Variants in AFG2A observed in about 807,000 individuals in gnomAD.
The protein encoded by AFG2A is ATPase family gene 2 protein homolog A.
At chr4:123,132,620 A>C in the AFG2A span, among the ~76,000 whole-genome samples, 1 of 132,572 alleles carries the variant, frequency 7.5e-6, no homozygotes, top group Non-Finnish European at 1.7e-5. Context: ...ATATATGTGC[A>C]TATATATTTG....
the AFG2A span, among the ~76,000 whole-genome samples, chr4:122,936,403 G>A: frequency 6.6e-6 from 1 of 152,196 alleles, no homozygotes; most frequent in Non-Finnish European, 1.5e-5. Flanking sequence ...CCTTGTTTGA[G>A]CATAGAAATC....
chr4:123,176,378 C>T, the AFG2A span, among the ~76,000 whole-genome samples: 1 of 152,148 alleles, frequency 6.6e-6, no homozygotes, highest in Non-Finnish European at 1.5e-5. Context: ...AATACAATAC[C>T]AGAGCAGCTC....
the AFG2A span, among the ~76,000 whole-genome samples, chr4:123,265,227 G>A: frequency 6.6e-6 from 1 of 151,934 alleles, no homozygotes; most frequent in Admixed American, 6.6e-5. Flanking sequence ...ACTTCCTTAA[G>A]AACAGCTAAT....
the AFG2A span, among the ~76,000 whole-genome samples, chr4:123,274,097 A>G: frequency 6.6e-5 from 10 of 152,102 alleles, no homozygotes; most frequent in African/African-American, 2.4e-4. Flanking sequence ...GAATTAGTCT[A>G]TATAGTGTAT....
the AFG2A span, among the ~76,000 whole-genome samples, chr4:123,049,701 A>AT: frequency 6.6e-6 from 1 of 151,348 alleles, no homozygotes; most frequent in Non-Finnish European, 1.5e-5. Flanking sequence ...CTCTGATTTT[A>AT]TTTATTTAGG....
the AFG2A span, among the ~76,000 whole-genome samples, chr4:123,185,754 T>C: frequency 1.3e-5 from 2 of 152,286 alleles, no homozygotes; most frequent in Admixed American, 1.3e-4. Flanking sequence ...TGTTCCATTG[T>C]TATCAAAATG....
the AFG2A span, among the ~76,000 whole-genome samples, chr4:123,032,648 T>C: frequency 6.6e-6 from 1 of 152,214 alleles, no homozygotes; most frequent in African/African-American, 2.4e-5. Context: ...ACTCCCGACC[T>C]TGTGATCCAC....
chr4:123,218,535 A>T, the AFG2A span, among the ~76,000 whole-genome samples: 2 of 152,180 alleles, frequency 1.3e-5, no homozygotes, highest in African/African-American at 2.4e-5. Context: ...TGATAAGTCC[A>T]ATCCCAGACT....
the AFG2A span, among the ~76,000 whole-genome samples, chr4:123,046,896 C>T: frequency 6.6e-6 from 1 of 152,130 alleles, no homozygotes; most frequent in Non-Finnish European, 1.5e-5. Context: ...AAGTATTTGT[C>T]TTTTCTGTGC....
chr4:123,223,046 A>G, the AFG2A span, among the ~76,000 whole-genome samples: 1 of 152,198 alleles, frequency 6.6e-6, no homozygotes, highest in Non-Finnish European at 1.5e-5. Context: ...TCTTCTTGAC[A>G]AATACCCAGA....
At chr4:123,053,671 C>T in the AFG2A span, among the ~76,000 whole-genome samples, 111 of 152,198 alleles carry the variant, frequency 7.3e-4, no homozygotes, top group Non-Finnish European at 1.3e-3. Context: ...CCCAGCAGGT[C>T]CGTACATAGA....
the AFG2A span, among the ~76,000 whole-genome samples, chr4:122,925,147 C>G: frequency 1.3e-5 from 2 of 152,162 alleles, no homozygotes; most frequent in Admixed American, 6.5e-5. Context: ...CTCTCCCCCC[C>G]ATATCTCACA....
chr4:122,961,130 G>T, the AFG2A span, among the ~76,000 whole-genome samples: 4 of 152,118 alleles, frequency 2.6e-5, no homozygotes, highest in Admixed American at 6.6e-5. Flanking sequence ...ACACTATATG[G>T]TTTTAAGAGT....
At chr4:123,077,570 C>A in the AFG2A span, among the ~76,000 whole-genome samples, 1 of 152,178 alleles carries the variant, frequency 6.6e-6, no homozygotes, top group East Asian at 1.9e-4. Context: ...TGTATCAGTT[C>A]CTCCTTTACA....
chr4:123,156,578 C>G, the AFG2A span, among the ~76,000 whole-genome samples: 1 of 151,784 alleles, frequency 6.6e-6, no homozygotes, highest in Non-Finnish European at 1.5e-5. Flanking sequence ...GATTGGAAAC[C>G]CTCAACTTGG....
the AFG2A span, among the ~76,000 whole-genome samples, chr4:122,983,952 A>G: frequency 6.6e-6 from 1 of 152,152 alleles, no homozygotes; most frequent in African/African-American, 2.4e-5. Flanking sequence ...ACATCAACGG[A>G]ATATCCCATG....
At chr4:123,078,071 C>T in the AFG2A span, among the ~76,000 whole-genome samples, 430 of 152,282 alleles carry the variant, frequency 2.8e-3, 2 homozygotes, top group African/African-American at 9.9e-3. Flanking sequence ...CCGTTAAAAG[C>T]AGGGAACATT....
At chr4:123,173,935 CAA>C in the AFG2A span, among the ~76,000 whole-genome samples, 1 of 151,060 alleles carries the variant, frequency 6.6e-6, no homozygotes, top group Non-Finnish European at 1.5e-5. Flanking sequence ...CAAAGCAAGA[CAA>C]ATATATATTC....
chr4:123,262,581 T>C, the AFG2A span, among the ~76,000 whole-genome samples: 1 of 152,340 alleles, frequency 6.6e-6, no homozygotes, highest in East Asian at 1.9e-4. Flanking sequence ...CTGTGAATAG[T>C]GACTTAGCAA....
Sources: gnomAD v4.1 joint callset for allele counts (sites outside exome capture counted in the v4.1 genomes callset) on GRCh38, gnomAD v4.1.1 for gene constraint, MANE v1.5 for transcripts, NCBI Gene and HGNC (gene_info 2026-07-23, HGNC 2026-07-21) for gene names.